The following GABRA1 variants were observed in gnomAD, a reference collection of about 807,000 sequenced individuals.
The protein encoded by GABRA1 is gamma-aminobutyric acid receptor subunit alpha-1.
A neutral mutation model predicts 48.9 loss-of-function variants in GABRA1; 9 were observed. The observed-to-expected ratio is 0.18, with a 90% CI of 0.11 to 0.32. The LOEUF is 0.32. GABRA1 is among the 10% of genes least tolerant of loss of function. The pLI is 1.00. For synonymous variants in GABRA1, 210 were observed against 198.7 expected (o/e 1.06, Z -0.48); for missense variants, 285 against 553.8 (o/e 0.51, Z 4.87).
chr5:161,886,922 C>T (rs1754874748), intron 7 of GABRA1, among the ~76,000 whole-genome samples: 4 of 152,114 alleles, frequency 2.6e-5, no homozygotes, highest in South Asian at 2.1e-4. Context: ...CCACATTATG[C>T]TTTCTAAGTA....
chr5:161,869,208 TAATA>T (rs1754003226), intron 4 of GABRA1, among the ~76,000 whole-genome samples: 1 of 152,184 alleles, frequency 6.6e-6, no homozygotes, highest in Non-Finnish European at 1.5e-5. Context: ...AAGTGAGAAC[TAATA>T]AATTAATCTA....
intron 6 of GABRA1, among the ~76,000 whole-genome samples, chr5:161,879,327 G>A (rs1754507070): frequency 6.6e-6 from 1 of 152,080 alleles, no homozygotes; most frequent in African/African-American, 2.4e-5. Context: ...GCCCACACTG[G>A]TCTCAAACCC....
chr5:161,856,696 AT>A (rs1202399230), intron 3 of GABRA1, among the ~76,000 whole-genome samples: 3 of 150,992 alleles, frequency 2.0e-5, no homozygotes, highest in Non-Finnish European at 3.0e-5. Flanking sequence ...TTTTTTTGGA[AT>A]TTTTTTTAAT....
At chr5:161,887,963 A>G (rs1415451012) in intron 7 of GABRA1, among the ~76,000 whole-genome samples, 10 of 152,150 alleles carry the variant, frequency 6.6e-5, no homozygotes, top group Non-Finnish European at 1.0e-4. Flanking sequence ...CAAGTAACTA[A>G]TATTTGAGAA....
At chr5:161,881,519 C>T (rs924985597) in intron 6 of GABRA1, among the ~76,000 whole-genome samples, 1 of 152,064 alleles carries the variant, frequency 6.6e-6, no homozygotes, top group African/African-American at 2.4e-5. Context: ...TAGAATGTAA[C>T]TCATCATCAT....
chr5:161,861,319 A>G (rs913480459), intron 3 of GABRA1, among the ~76,000 whole-genome samples: 12 of 151,882 alleles, frequency 7.9e-5, no homozygotes, highest in Admixed American at 6.6e-4. Flanking sequence ...ATAAAAATTT[A>G]AAAAAGACTT....
chr5:161,877,237 G>T (rs1259342364), intron 6 of GABRA1, among the ~76,000 whole-genome samples: 1 of 152,114 alleles, frequency 6.6e-6, no homozygotes, highest in Non-Finnish European at 1.5e-5. Flanking sequence ...AAGCCACAGT[G>T]CCCAGCCTGG....
At chr5:161,882,330 C>T (rs1412633805) in intron 6 of GABRA1, 3 of 564,222 alleles carry the variant, frequency 5.3e-6, no homozygotes, top group African/African-American at 3.8e-5. Context: ...AGTATTTTGT[C>T]CTTTGTAGAT....
chr5:161,883,927 A>G (rs1754726717), intron 7 of GABRA1, among the ~76,000 whole-genome samples: 1 of 151,756 alleles, frequency 6.6e-6, no homozygotes, highest in South Asian at 2.1e-4. Flanking sequence ...TTCTTATTTC[A>G]AATCCAAGTG....
At chr5:161,862,349 A>G (rs373515739) in intron 3 of GABRA1, among the ~76,000 whole-genome samples, 65 of 151,946 alleles carry the variant, frequency 4.3e-4, no homozygotes, top group African/African-American at 1.4e-3. Flanking sequence ...CTTAAACATA[A>G]CACATTTAAC....
rs1177855727 is a variant in GABRA1, at chr5:161,893,006, AAAAAATAATAAT to A, written c.856+1959_856+1970del. On this transcript the variant is annotated intron_variant, in intron 8 of 9. Coordinates refer to ENST00000393943, the MANE Select transcript of GABRA1 (RefSeq NM_001127644.2). ...AGCAACAGAGCGAGACTCCTTCTCA[AAAAAATAATAAT>A]AATAATAATAATAATAATAATAATA... Among the ~76,000 whole-genome samples the A allele has an allele frequency of 1.5e-3, 73 of 48,522 alleles. 1 individual carries two copies. Among genetic ancestry groups the A allele is most frequent in the Middle Eastern group, 7.4e-3 (1 of 136 alleles). 31.8% of individuals were successfully genotyped at this position (48,522 alleles called of 152,430 possible).
At chr5:161,857,039 C>CT (rs1321359517) in intron 3 of GABRA1, among the ~76,000 whole-genome samples, 39 of 151,122 alleles carry the variant, frequency 2.6e-4, no homozygotes, top group Non-Finnish European at 5.5e-4. Flanking sequence ...CAGACCCTCC[C>CT]TTTTTACTTT....
At chr5:161,863,806 C>T (rs1454288041) in intron 3 of GABRA1, among the ~76,000 whole-genome samples, 1 of 151,650 alleles carries the variant, frequency 6.6e-6, no homozygotes, top group Admixed American at 6.6e-5. Context: ...CTCAAGCGTA[C>T]CCTACAGCTT....
At chr5:161,885,815 A>G (rs1241355431) in intron 7 of GABRA1, among the ~76,000 whole-genome samples, 1 of 152,160 alleles carries the variant, frequency 6.6e-6, no homozygotes. Flanking sequence ...GGGAAAGATG[A>G]TCCAGTTAGT....
intron 8 of GABRA1, 60 bp from the exon 9 acceptor site, chr5:161,895,606 A>G (rs1164463622): frequency 1.4e-6 from 2 of 1,434,950 alleles, no homozygotes; most frequent in Non-Finnish European, 1.9e-6. Flanking sequence ...AGGCTGTCCC[A>G]TCATGATGAA....
chr5:161,851,515 A>C (rs2113296784), intron 2 of GABRA1, among the ~76,000 whole-genome samples: 1 of 152,304 alleles, frequency 6.6e-6, no homozygotes, highest in South Asian at 2.1e-4. Context: ...GATCCAATCA[A>C]GCATGTGAAA....
At chr5:161,896,126 T>C (rs976295940) in intron 9 of GABRA1, among the ~76,000 whole-genome samples, 1 of 152,210 alleles carries the variant, frequency 6.6e-6, no homozygotes, top group Admixed American at 6.5e-5. Context: ...TAGGCTTTCC[T>C]GTGGTTTCTA....
chr5:161,882,973 T>A (rs547653190), intron 7 of GABRA1, among the ~76,000 whole-genome samples: 3 of 152,276 alleles, frequency 2.0e-5, no homozygotes, highest in African/African-American at 7.2e-5. Context: ...CTATGTGAAC[T>A]CTTAGAGATG....
rs552298521 is a variant in GABRA1 at position 161,898,530 on chromosome 5, A to G, written c.*1108A>G. 6.6e-6 allele frequency: 1 copy of G among 152,454 alleles called. No individual in the cohort carries two copies. Among genetic ancestry groups the G allele is most frequent in the Non-Finnish European group, 1.5e-5 (1 of 68,006 alleles). 9.4% of individuals were successfully genotyped at this position (152,454 alleles called of 1,614,324 possible). A position where few individuals can be genotyped will look rare whatever the true frequency, so the allele number is the denominator to read the frequency against. ...AGCTGTTGGAATGTTGTTAAATGCT[A>G]TGGAAATACATTTAGAACCTGCATT... is the stretch of plus-strand genomic sequence containing the variant. On this transcript the variant is annotated 3_prime_UTR_variant, in exon 10 of 10. Transcript: ENST00000393943.
Sources: allele counts gnomAD v4.1 joint callset (sites outside exome capture counted in the v4.1 genomes callset), GRCh38; gene constraint gnomAD v4.1.1; transcripts MANE v1.5; gene names NCBI Gene and HGNC (gene_info 2026-07-23, HGNC 2026-07-21).